WDPCP: variants seen among roughly 807,000 people sequenced by gnomAD.
WDPCP encodes the protein WD repeat containing planar cell polarity effector, also known as WD repeat-containing and planar cell polarity effector protein fritz homolog.
Under a neutral mutation model 93.1 loss-of-function variants are expected in WDPCP, and 71 were observed. The observed-to-expected ratio is 0.76, with a 90% confidence interval of 0.63 to 0.93. The LOEUF (loss-of-function observed/expected upper bound fraction) is 0.93. Ranked by LOEUF, WDPCP falls within the 40% of genes least tolerant of loss-of-function variation. WDPCP has a pLI of 0.00. For synonymous variants in WDPCP, 315 were observed against 315.0 expected (o/e 1.00, Z 0.00); for missense variants, 844 against 887.4 (o/e 0.95, Z 0.62).
chr2:63,559,882 T>C (rs942553415), intron 1 of WDPCP, among the ~76,000 whole-genome samples: 20 of 152,174 alleles, frequency 1.3e-4, no homozygotes, highest in Non-Finnish European at 2.9e-5. Context: ...AGATTCAATG[T>C]TATTCCCATT....
chr2:63,649,771 A>C (rs541231088), intron 3 of WDPCP, among the ~76,000 whole-genome samples: 1 of 152,294 alleles, frequency 6.6e-6, no homozygotes, highest in South Asian at 2.1e-4. Context: ...TTTCCCAGAA[A>C]GGGGGGCTTG....
Position 63,484,936 on chromosome 2 carries a change from T to A in WDPCP, c.305A>T (p.Asp102Val), listed in dbSNP as rs747112954. 6.2e-7 allele frequency: 1 copy of A among 1,612,544 alleles called. No individual in the cohort carries two copies. The highest frequency in any genetic ancestry group is 1.7e-5 in the Admixed American group (1 of 59,782). ...AGATACCTCCAACTCTTTGAGCGAG[T>A]CTCGGAGTTTTTCTGGGCGTCTGTT... is the stretch of plus-strand genomic sequence containing the variant. ...LKNRRPEKLRDSLKELEELMQ... is the reference protein window; with the variant it reads ...LKNRRPEKLRVSLKELEELMQ... The change falls in exon 5 of 18, where the codon GAC becomes GTC. Residue 102 changes from aspartate (D) to valine (V), a missense_variant. Asp to Val is a radical substitution (Grantham distance 152, BLOSUM62 -3). Transcript: ENST00000272321.
intron 14 of WDPCP, among the ~76,000 whole-genome samples, chr2:63,254,270 AC>A (rs1336536359): frequency 1.3e-5 from 2 of 152,168 alleles, no homozygotes; most frequent in Non-Finnish European, 2.9e-5. Flanking sequence ...CTTCTTGGGT[AC>A]TATTGCTTAC....
intron 1 of WDPCP, among the ~76,000 whole-genome samples, chr2:63,545,501 T>C (rs1302296141): frequency 6.6e-6 from 1 of 152,144 alleles, no homozygotes; most frequent in African/African-American, 2.4e-5. Flanking sequence ...TAGTGTCTAT[T>C]ACCCTCTGTT....
intron 1 of WDPCP, among the ~76,000 whole-genome samples, chr2:63,821,112 T>C (rs901337519): frequency 6.6e-6 from 1 of 152,178 alleles, no homozygotes; most frequent in Non-Finnish European, 1.5e-5. Context: ...TAAATGATGA[T>C]GTCCTTGTCC....
At chr2:63,209,547 G>A (rs1676603058) in intron 14 of WDPCP, among the ~76,000 whole-genome samples, 1 of 152,176 alleles carries the variant, frequency 6.6e-6, no homozygotes, top group Admixed American at 6.5e-5. Context: ...AGCTGTTGGT[G>A]ATTTATCCCT....
At chr2:63,686,319 A>T (rs1668803686) in intron 2 of WDPCP, among the ~76,000 whole-genome samples, 1 of 152,238 alleles carries the variant, frequency 6.6e-6, no homozygotes. Flanking sequence ...TCTGAAAAAG[A>T]AATCAAGAGA....
intron 3 of WDPCP, among the ~76,000 whole-genome samples, chr2:63,640,392 G>A (rs1575736448): frequency 6.6e-6 from 1 of 152,184 alleles, no homozygotes; most frequent in South Asian, 2.1e-4. Flanking sequence ...TATTCAGGTG[G>A]CAGTGGCAGG....
At chr2:63,372,058 T>A (rs1225581432) in intron 12 of WDPCP, among the ~76,000 whole-genome samples, 1 of 152,184 alleles carries the variant, frequency 6.6e-6, no homozygotes, top group Non-Finnish European at 1.5e-5. Context: ...TGCTAGCAAT[T>A]GCTTGGCTTC....
Position 63,437,451 on chromosome 2 carries a change from TC to T in WDPCP, c.602del (p.Arg201AsnfsTer21), listed in dbSNP as rs1697210317. Reference sequence around the variant, plus strand: ...AATCCAAGGCTGAGAGTTTTTCCAGTCTTTTGTTTACATCAGAAGACTCCAT... The same window carrying T: ...AATCCAAGGCTGAGAGTTTTTCCAGTTTTTGTTTACATCAGAAGACTCCAT... ...KKMESSDVNK[R>X]LEKLSALDYK... On this transcript the variant is annotated frameshift_variant, in exon 8 of 18. Coordinates refer to ENST00000272321, the MANE Select transcript of WDPCP (RefSeq NM_015910.7). LOFTEE classifies it high-confidence loss of function. 2 of 1,603,906 alleles carry T rather than the reference TC, an allele frequency of 1.2e-6. No individual in the cohort carries two copies. The highest frequency in any genetic ancestry group is 1.7e-6 in the Non-Finnish European group (2 of 1,175,036).
At chr2:63,382,153 G>T (rs966853114) in intron 10 of WDPCP, 59 bp from the exon 11 acceptor site, 6 of 1,525,138 alleles carry the variant, frequency 3.9e-6, no homozygotes, top group Middle Eastern at 2.1e-4. Flanking sequence ...ATAACAAAAA[G>T]AGTTAATTTT....
At chr2:63,801,533 T>G (rs1670694729) in intron 2 of WDPCP, among the ~76,000 whole-genome samples, 3 of 152,188 alleles carry the variant, frequency 2.0e-5, no homozygotes, top group African/African-American at 7.2e-5. Flanking sequence ...CCAGCTTCTA[T>G]TCCCTTATTT....
chr2:63,256,139 G>C (rs992328705), intron 14 of WDPCP, among the ~76,000 whole-genome samples: 2 of 152,114 alleles, frequency 1.3e-5, no homozygotes, highest in African/African-American at 4.8e-5. Context: ...ATTCTAACCA[G>C]AATTTCAGCC....
At chr2:63,416,141 T>C (rs1311007824) in intron 9 of WDPCP, among the ~76,000 whole-genome samples, 3 of 151,990 alleles carry the variant, frequency 2.0e-5, no homozygotes, top group Admixed American at 6.5e-5. Context: ...TCTGTTTATA[T>C]AGAAGATAAA....
At chr2:63,131,637 T>C (rs190792472) in intron 17 of WDPCP, among the ~76,000 whole-genome samples, 63 of 152,270 alleles carry the variant, frequency 4.1e-4, no homozygotes, top group Middle Eastern at 3.4e-3. Context: ...TAGTTGCCCA[T>C]ATGTTTACCT....
chr2:63,338,571 T>A (rs6720018), intron 12 of WDPCP, among the ~76,000 whole-genome samples: 151 of 4,802 alleles, frequency 0.031, no homozygotes, highest in South Asian at 0.071. Flanking sequence ...AAAAAAAAAA[T>A]ATATATATAT....
chr2:63,448,221 G>A (rs12987806), intron 6 of WDPCP, among the ~76,000 whole-genome samples: 38,057 of 151,690 alleles, frequency 0.25, 5,675 homozygotes, highest in East Asian at 0.65. Flanking sequence ...ACACTCAACC[G>A]TTGCCCTTTA....
intron 12 of WDPCP, among the ~76,000 whole-genome samples, chr2:63,329,469 T>G (rs1415973303): frequency 6.6e-6 from 1 of 152,214 alleles, no homozygotes; most frequent in Non-Finnish European, 1.5e-5. Flanking sequence ...CAGATGATAT[T>G]AATAGAACTT....
chr2:63,228,648 G>C (rs191942385), intron 14 of WDPCP: 1 of 150,290 alleles, frequency 6.7e-6, no homozygotes, highest in Admixed American at 6.7e-5. Flanking sequence ...TGTTCTCATT[G>C]TTCCATTCCC....
Sources: gnomAD v4.1 joint callset for allele counts (sites outside exome capture counted in the v4.1 genomes callset) on GRCh38, gnomAD v4.1.1 for gene constraint, MANE v1.5 for transcripts, NCBI Gene and HGNC (gene_info 2026-07-23, HGNC 2026-07-21) for gene names.